The following NRCAM variants were observed in gnomAD, a reference collection of about 807,000 sequenced individuals.
NRCAM encodes neuronal cell adhesion molecule.
NRCAM carries 83 observed loss-of-function variants against 156.5 expected under a neutral mutation model. The ratio of observed to expected loss-of-function variants is 0.53; its 90% confidence interval spans 0.44 to 0.64. The LOEUF (loss-of-function observed/expected upper bound fraction) is 0.64. Among genes scored for constraint, NRCAM ranks in the 30% least tolerant of loss-of-function variants. The pLI is 0.00. For synonymous variants in NRCAM, 538 were observed against 563.9 expected (o/e 0.95, Z 0.65); for missense variants, 1,417 against 1,597.3 (o/e 0.89, Z 1.92).
intron 1 of NRCAM, among the ~76,000 whole-genome samples, chr7:108,435,034 G>GAAAAAAAAAAAAAAAAA (rs11392385): frequency 6.7e-6 from 1 of 149,164 alleles, no homozygotes. Context: ...TACATGGTAG[G>GAAAAAAAAAAAAAAAAA]AAAAAAAAAA....
chr7:108,364,268 T>C (rs2099578106), intron 2 of NRCAM, among the ~76,000 whole-genome samples: 1 of 152,166 alleles, frequency 6.6e-6, no homozygotes, highest in African/African-American at 2.4e-5. Flanking sequence ...TCAACATCAT[T>C]AGTCATTAAG....
intron 3 of NRCAM, among the ~76,000 whole-genome samples, chr7:108,284,272 C>T (rs967311817): frequency 6.6e-6 from 1 of 152,194 alleles, no homozygotes; most frequent in Admixed American, 6.5e-5. Flanking sequence ...CATCCACACT[C>T]CTGTCTCCTC....
intron 3 of NRCAM, among the ~76,000 whole-genome samples, chr7:108,277,872 G>A (rs1235151478): frequency 6.6e-6 from 1 of 152,150 alleles, no homozygotes; most frequent in Non-Finnish European, 1.5e-5. Flanking sequence ...CATCTTTGTG[G>A]TTTTATCTAC....
intron 20 of NRCAM, among the ~76,000 whole-genome samples, chr7:108,187,909 C>A (rs398268): frequency 1.3e-5 from 2 of 151,544 alleles, no homozygotes; most frequent in African/African-American, 4.9e-5. Flanking sequence ...GAGCCGAGAT[C>A]GCGCCACTGC....
intron 4 of NRCAM, among the ~76,000 whole-genome samples, chr7:108,239,706 G>A (rs2095405642): frequency 6.6e-6 from 1 of 152,196 alleles, no homozygotes; most frequent in African/African-American, 2.4e-5. Flanking sequence ...ATCCCCAGCA[G>A]GGCAGACAAA....
chr7:108,249,826 T>C (rs1290056659), intron 3 of NRCAM, among the ~76,000 whole-genome samples: 1 of 152,220 alleles, frequency 6.6e-6, no homozygotes, highest in African/African-American at 2.4e-5. Flanking sequence ...ACACTCTCTT[T>C]TCAGCATCAT....
At chr7:108,271,842 TC>T (rs1213811353) in intron 3 of NRCAM, among the ~76,000 whole-genome samples, 3 of 152,196 alleles carry the variant, frequency 2.0e-5, no homozygotes, top group Non-Finnish European at 4.4e-5. Context: ...CTCACACTCT[TC>T]CTGGCATAAC....
At chr7:108,397,056 C>T (rs2099778758) in intron 2 of NRCAM, among the ~76,000 whole-genome samples, 1 of 152,038 alleles carries the variant, frequency 6.6e-6, no homozygotes, top group Non-Finnish European at 1.5e-5. Context: ...ATTCAATTCC[C>T]TATTTTAAGA....
chr7:108,338,409 C>G (rs2099230934), intron 2 of NRCAM, among the ~76,000 whole-genome samples: 1 of 152,176 alleles, frequency 6.6e-6, no homozygotes, highest in Non-Finnish European at 1.5e-5. Flanking sequence ...CCTTAGGCAT[C>G]TAGGCTCTAA....
At chr7:108,286,540 G>A (rs1460153742) in intron 3 of NRCAM, among the ~76,000 whole-genome samples, 2 of 152,100 alleles carry the variant, frequency 1.3e-5, no homozygotes, top group African/African-American at 2.4e-5. Context: ...GATTTGATGT[G>A]GAAAAGGAAG....
intron 3 of NRCAM, among the ~76,000 whole-genome samples, chr7:108,300,052 C>T (rs1592327815): frequency 6.6e-6 from 1 of 151,060 alleles, no homozygotes; most frequent in East Asian, 2.0e-4. Context: ...GCTTTTACTA[C>T]AGTAGAACAT....
chr7:108,356,548 T>C (rs1419147225), intron 2 of NRCAM, among the ~76,000 whole-genome samples: 3 of 152,154 alleles, frequency 2.0e-5, no homozygotes, highest in Non-Finnish European at 4.4e-5. Context: ...CCTAAAAATC[T>C]GTTTAACGAG....
intron 28 of NRCAM, among the ~76,000 whole-genome samples, chr7:108,170,560 G>C (rs531517424): frequency 6.6e-6 from 1 of 152,162 alleles, no homozygotes; most frequent in Admixed American, 6.5e-5. Flanking sequence ...TCCCTGCTTC[G>C]AGTTGTCCCT....
At chr7:108,201,663 G>C (rs1235732009) in intron 13 of NRCAM, among the ~76,000 whole-genome samples, 1 of 152,162 alleles carries the variant, frequency 6.6e-6, no homozygotes, top group Non-Finnish European at 1.5e-5. Context: ...TCCCCAAGTG[G>C]AGACTCATCA....
At chr7:108,205,809 T>C (rs1563436012) in intron 13 of NRCAM, among the ~76,000 whole-genome samples, 1 of 152,182 alleles carries the variant, frequency 6.6e-6, no homozygotes, top group Non-Finnish European at 1.5e-5. Flanking sequence ...GGCTGGTCTC[T>C]AACTCCTGTA....
At position 108,176,553 on chromosome 7, in the gene NRCAM, T is replaced by C; in HGVS notation, c.3028A>G (p.Lys1010Glu). The C allele has an allele frequency of 1.2e-6, 2 of 1,613,770 alleles. No homozygotes were observed. The highest frequency in any genetic ancestry group is 1.7e-6 in the Non-Finnish European group (2 of 1,179,836). Residue 1010 changes from lysine to glutamate, a missense_variant, in exon 27 of 33, where the codon AAG (lysine) becomes GAG (glutamate). Physicochemically the swap from Lys to Glu is moderately conservative, Grantham distance 56. Coordinates refer to ENST00000379028, the MANE Select transcript of NRCAM (RefSeq NM_001037132.4). ...PLVDLKIPAN[K>E]TRWTLKNLNF... ...AAATTTTTTAAAGTCCACCGTGTCT[T>C]GTTGGCAGGAATTTTCAAATCTACC...
chr7:108,402,794 G>A (rs2099796693), intron 1 of NRCAM, among the ~76,000 whole-genome samples: 1 of 152,218 alleles, frequency 6.6e-6, no homozygotes, highest in African/African-American at 2.4e-5. Context: ...GCACCTTAGA[G>A]GCTGGTGGAT....
chr7:108,452,741 T>C (rs1421734646), intron 1 of NRCAM, among the ~76,000 whole-genome samples: 2 of 152,242 alleles, frequency 1.3e-5, no homozygotes, highest in African/African-American at 4.8e-5. Context: ...AAGAATATGT[T>C]AGAAGCTCTA....
intron 13 of NRCAM, among the ~76,000 whole-genome samples, chr7:108,206,893 A>G (rs982083722): frequency 6.6e-6 from 1 of 152,172 alleles, no homozygotes; most frequent in Non-Finnish European, 1.5e-5. Flanking sequence ...GAACGGGGCA[A>G]CAAGTATAGC....
Sources: allele counts gnomAD v4.1 joint callset (sites outside exome capture counted in the v4.1 genomes callset), GRCh38; gene constraint gnomAD v4.1.1; transcripts MANE v1.5; gene names NCBI Gene and HGNC (gene_info 2026-07-23, HGNC 2026-07-21).